The following ZNF506 variants were observed in gnomAD, a reference collection of about 807,000 sequenced individuals.
The protein encoded by ZNF506 is zinc finger protein 506.
A neutral mutation model predicts 11.6 loss-of-function variants in ZNF506; 10 were observed. The ratio of observed to expected loss-of-function variants is 0.86; its 90% CI spans 0.53 to 1.46. The LOEUF (loss-of-function observed/expected upper bound fraction) is 1.46. Among genes scored for constraint, ZNF506 ranks in the 40% most tolerant of loss-of-function variants. ZNF506 has a pLI of 0.00. For synonymous variants in ZNF506, 156 were observed against 173.3 expected (o/e 0.90, Z 0.78); for missense variants, 425 against 521.2 (o/e 0.82, Z 1.80).
intron 3 of ZNF506, chr19:19,798,021 C>A (rs1045836256): frequency 1.2e-4 from 18 of 151,926 alleles, no homozygotes; most frequent in Admixed American, 1.1e-3. Flanking sequence ...CAGAAAATAA[C>A]ATAATGCAAG....
chr19:19,819,376 CAAAA>C (rs779777587), intron 1 of ZNF506, among the ~76,000 whole-genome samples: 1 of 132,110 alleles, frequency 7.6e-6, no homozygotes, highest in Non-Finnish European at 1.6e-5. Flanking sequence ...GTTAGCTTTT[CAAAA>C]AAAAAAAAGA....
intron 1 of ZNF506, among the ~76,000 whole-genome samples, chr19:19,815,794 G>C (rs538019817): frequency 4.6e-5 from 7 of 152,308 alleles, no homozygotes; most frequent in Non-Finnish European, 2.9e-5. Flanking sequence ...AACCTGGGGA[G>C]TCCCATAACC....
intron 1 of ZNF506, among the ~76,000 whole-genome samples, chr19:19,818,378 G>A (rs1048368942): frequency 2.6e-5 from 4 of 152,214 alleles, no homozygotes; most frequent in Admixed American, 1.3e-4. Flanking sequence ...ATGTTTTGAC[G>A]ATCTATATAA....
intron 3 of ZNF506, among the ~76,000 whole-genome samples, chr19:19,803,704 G>T (rs10412409): frequency 1.1e-4 from 17 of 148,144 alleles, no homozygotes; most frequent in Admixed American, 1.1e-3. Flanking sequence ...CCCAATAAAA[G>T]ATTTTTTACT....
chr19:19,813,742 A>G (rs1405646896), intron 1 of ZNF506, among the ~76,000 whole-genome samples: 2 of 152,092 alleles, frequency 1.3e-5, no homozygotes, highest in Non-Finnish European at 2.9e-5. Context: ...AGGACAAGGC[A>G]TGTAGACTGC....
intron 3 of ZNF506, 102 bp from the exon 4 acceptor site, chr19:19,795,762 G>T (rs1599505774): frequency 8.8e-7 from 1 of 1,142,056 alleles, no homozygotes. Context: ...TAAGCAAGAT[G>T]ACACAGCAAA....
rs763186164 is a variant in ZNF506 at position 19,793,607 on chromosome 19, T to C, written c.*945A>G. Among the ~76,000 whole-genome samples, 2 of 152,228 alleles carry C rather than the reference T, an allele frequency of 1.3e-5. No homozygotes were observed. Among genetic ancestry groups the C allele is most frequent in the Non-Finnish European group, 2.9e-5 (2 of 68,038 alleles). Reference sequence around the variant, plus strand: ...GAATAAATATTCTTCTTTAAAGGCTTATATTTTCTGAAAGATTTTTTGACA... The same window carrying C: ...GAATAAATATTCTTCTTTAAAGGCTCATATTTTCTGAAAGATTTTTTGACA... On this transcript the variant is annotated 3_prime_UTR_variant, in exon 4 of 4. Coordinates refer to ENST00000540806, the MANE Select transcript of ZNF506 (RefSeq NM_001099269.3).
Position 19,821,676 on chromosome 19 carries a change from G to C in ZNF506, c.-73C>G, listed in dbSNP as rs995424045. 6 of 1,588,818 alleles carry C rather than the reference G, an allele frequency of 3.8e-6. No homozygotes were observed. The African/African-American group carries it at 8.1e-5, about 21-fold the overall frequency. ...TACCTGCAGGTCACAGGGCCACAGAGGCTGGGCCTCTAGGAGCTGACGGCA... is the reference window on the plus strand; with the variant it reads ...TACCTGCAGGTCACAGGGCCACAGACGCTGGGCCTCTAGGAGCTGACGGCA... On this transcript the variant is annotated 5_prime_UTR_variant, in exon 1 of 4. Coordinates refer to ENST00000540806, the MANE Select transcript of ZNF506 (RefSeq NM_001099269.3).
intron 1 of ZNF506, among the ~76,000 whole-genome samples, chr19:19,812,240 C>A (rs1194892380): frequency 1.3e-5 from 2 of 152,240 alleles, no homozygotes; most frequent in Admixed American, 1.3e-4. Context: ...CTGCATGGGA[C>A]ATCTCAAATG....
chr19:19,812,779 C>T (rs1316347695), intron 1 of ZNF506, among the ~76,000 whole-genome samples: 1 of 152,150 alleles, frequency 6.6e-6, no homozygotes, highest in Non-Finnish European at 1.5e-5. Context: ...TAAGAAAAAG[C>T]TCAGATTAGA....
intron 1 of ZNF506, among the ~76,000 whole-genome samples, chr19:19,816,609 T>C (rs547662522): frequency 1.1e-4 from 17 of 152,050 alleles, no homozygotes; most frequent in South Asian, 2.1e-4. Context: ...TCACCCGCCT[T>C]GGCCTCCCAA....
chr19:19,795,928 A>G, intron 3 of ZNF506: 1 of 412,718 alleles, frequency 2.4e-6, no homozygotes. Context: ...AAAAAAAGAA[A>G]AGTCTGTTAC....
Position 19,805,575 on chromosome 19 carries a change from T to G in ZNF506, c.226+456A>C, listed in dbSNP as rs181434359. On this transcript the variant is annotated intron_variant, in intron 3 of 3. Transcript: ENST00000540806. ...AATTTCAAACTATACATTTCAAGAC[T>G]ATATAGTAATAAAACAGAAAAATGA... Among the ~76,000 whole-genome samples the G allele has an allele frequency of 2.0e-5, 3 of 152,150 alleles. No homozygotes were observed. In the East Asian group the frequency reaches 5.8e-4, roughly 29 times the overall value.
In ZNF506 at chr19:19,806,873, C is replaced by A. The variant is rs548737194; in HGVS notation, c.130+69G>T. On this transcript the variant is annotated intron_variant, in intron 2 of 3. Transcript: ENST00000540806. Reference sequence around the variant, plus strand: ...ATGCAAAGAATAAATTACTAAAAAACATTCTACAAAAAAGAGAAATAAAAC... The same window carrying A: ...ATGCAAAGAATAAATTACTAAAAAAAATTCTACAAAAAAGAGAAATAAAAC... The A allele has an allele frequency of 7.1e-5, 109 of 1,536,622 alleles. No homozygotes were observed. The South Asian group carries it at 1.2e-3, about 17-fold the overall frequency.
At chr19:19,797,134 A>C (rs1232484813) in intron 3 of ZNF506, 1 of 148,614 alleles carries the variant, frequency 6.7e-6, no homozygotes, top group Non-Finnish European at 1.5e-5. Flanking sequence ...AAAAGTGTAT[A>C]ATTTTTAAAA....
intron 1 of ZNF506, among the ~76,000 whole-genome samples, chr19:19,814,491 T>C (rs1226281392): frequency 2.0e-5 from 3 of 151,634 alleles, no homozygotes; most frequent in Non-Finnish European, 4.4e-5. Flanking sequence ...AGCTAAATAA[T>C]AACAACACAT....
intron 1 of ZNF506, among the ~76,000 whole-genome samples, chr19:19,821,203 A>G (rs1377305477): frequency 1.3e-5 from 2 of 152,076 alleles, no homozygotes; most frequent in African/African-American, 4.8e-5. Context: ...CCGGCCCAAT[A>G]AATTTTTAAT....
intron 3 of ZNF506, among the ~76,000 whole-genome samples, chr19:19,805,815 T>C (rs763426462): frequency 2.9e-4 from 44 of 151,698 alleles, no homozygotes; most frequent in Non-Finnish European, 2.9e-4. Flanking sequence ...GAAAGAAAAA[T>C]AGAATTCTTA....
chr19:19,819,700 T>C (rs559195518), intron 1 of ZNF506, among the ~76,000 whole-genome samples: 1 of 152,322 alleles, frequency 6.6e-6, no homozygotes, highest in East Asian at 1.9e-4. Flanking sequence ...GCACAGATAT[T>C]TTTTACAATA....
Sources: allele counts gnomAD v4.1 joint callset (sites outside exome capture counted in the v4.1 genomes callset), GRCh38; gene constraint gnomAD v4.1.1; transcripts MANE v1.5; gene names NCBI Gene and HGNC (gene_info 2026-07-23, HGNC 2026-07-21).